PACC1: variants seen among roughly 807,000 people sequenced by gnomAD.
PACC1 encodes proton activated chloride channel 1.
In PACC1, 34 loss-of-function variants were observed where a neutral mutation model predicts 39.7. The observed-to-expected ratio is 0.86, with a 90% confidence interval of 0.65 to 1.14. The LOEUF is 1.14. Among genes scored for constraint, PACC1 ranks in the 50% most tolerant of loss-of-function variants. PACC1 has a pLI of 0.00. For missense variants in PACC1, 379 were observed against 436.4 expected (o/e 0.87, Z 1.17); for synonymous variants, 127 against 160.6 (o/e 0.79, Z 1.58).
At chr1:212,408,109 G>T (rs566253127) in intron 2 of PACC1, among the ~76,000 whole-genome samples, 86 of 151,432 alleles carry the variant, frequency 5.7e-4, no homozygotes, top group Non-Finnish European at 1.0e-3. Context: ...CACTGGTGTA[G>T]TAGAGAGAGT....
chr1:212,376,052 A>G (rs1461079596), intron 6 of PACC1, among the ~76,000 whole-genome samples: 1 of 152,018 alleles, frequency 6.6e-6, no homozygotes, highest in Non-Finnish European at 1.5e-5. Context: ...GACAAAGCAC[A>G]GCTGCATAGA....
At chr1:212,395,877 C>T (rs1661495991) in intron 2 of PACC1, among the ~76,000 whole-genome samples, 1 of 152,156 alleles carries the variant, frequency 6.6e-6, no homozygotes, top group Non-Finnish European at 1.5e-5. Context: ...CAAATCAAAA[C>T]CACAATGAGA....
chr1:212,404,633 T>A (rs1161143762), intron 2 of PACC1, among the ~76,000 whole-genome samples: 3 of 151,676 alleles, frequency 2.0e-5, no homozygotes, highest in Non-Finnish European at 1.5e-5. Context: ...AGCCAGCCCC[T>A]TCTTTTTCAC....
intron 7 of PACC1, among the ~76,000 whole-genome samples, chr1:212,374,269 C>T (rs1025346116): frequency 4.7e-4 from 72 of 151,876 alleles, no homozygotes; most frequent in African/African-American, 1.7e-3. Context: ...TGCAGCAAAA[C>T]GAATGAAACT....
chr1:212,380,445 G>A (rs754581563), intron 4 of PACC1, among the ~76,000 whole-genome samples: 3 of 151,882 alleles, frequency 2.0e-5, no homozygotes, highest in South Asian at 2.1e-4. Context: ...TTTTCTTTAC[G>A]GCTTTGGGTT....
intron 4 of PACC1, among the ~76,000 whole-genome samples, chr1:212,383,785 T>C (rs1281959635): frequency 6.6e-6 from 1 of 152,240 alleles, no homozygotes; most frequent in East Asian, 1.9e-4. Context: ...TGTTTTACTC[T>C]GGGAAGAGTC....
chr1:212,410,151 G>T, intron 2 of PACC1: 1 of 388,906 alleles, frequency 2.6e-6, no homozygotes, highest in East Asian at 4.8e-5. Context: ...AGGGAAAGAG[G>T]AACAGAAGAG....
At chr1:212,408,840 G>A (rs184728513) in intron 2 of PACC1, among the ~76,000 whole-genome samples, 1 of 151,926 alleles carries the variant, frequency 6.6e-6, no homozygotes, top group Non-Finnish European at 1.5e-5. Context: ...AAACAGACTG[G>A]TCTCTGCCCT....
chr1:212,370,660 A>AT (rs1447546971), intron 7 of PACC1, among the ~76,000 whole-genome samples: 2 of 152,238 alleles, frequency 1.3e-5, no homozygotes, highest in Admixed American at 1.3e-4. Context: ...AACTGTACAA[A>AT]TACATGGAAA....
At chr1:212,408,637 C>T (rs564232443) in intron 2 of PACC1, among the ~76,000 whole-genome samples, 1 of 152,322 alleles carries the variant, frequency 6.6e-6, no homozygotes, top group South Asian at 2.1e-4. Context: ...GCTGGCATTA[C>T]AGGCATGAGC....
At chr1:212,396,967 A>G (rs1661551976) in intron 2 of PACC1, among the ~76,000 whole-genome samples, 1 of 152,146 alleles carries the variant, frequency 6.6e-6, no homozygotes, top group Non-Finnish European at 1.5e-5. Context: ...GTCTACCAGT[A>G]TAATTCTCTA....
intron 7 of PACC1, among the ~76,000 whole-genome samples, chr1:212,369,146 A>G: frequency 6.6e-6 from 1 of 152,182 alleles, no homozygotes; most frequent in East Asian, 1.9e-4. Context: ...GATCAAAGTT[A>G]AGTTGTCCTC....
chr1:212,375,299 G>A lies in PACC1; in HGVS notation c.785C>T (p.Thr262Ile), dbSNP rs774466596. 1.8e-5 allele frequency: 29 copies of A among 1,610,086 alleles called. No individual in the cohort carries two copies. The East Asian group carries it at 3.6e-4, about 20-fold the overall frequency. Residue 262 changes from threonine (T) to isoleucine (I), a missense_variant and splice_region_variant, in exon 7 of 8, where the codon ACA (threonine) becomes ATA (isoleucine). Physicochemically the swap from Thr to Ile is moderately conservative, Grantham distance 89. Transcript: ENST00000261455. ...CTGGTCAATGTAGTTAACCACACTT[G>A]TCTAGATGTGGAGGAGAGAAAGCAG... is the stretch of plus-strand genomic sequence containing the variant. Reference protein sequence around the residue: ...GREAVEFRQETSVVNYIDQRP... With the variant: ...GREAVEFRQEISVVNYIDQRP...
chr1:212,370,421 T>A lies in PACC1; in HGVS notation c.891+4772A>T, dbSNP rs565785838. Among the ~76,000 whole-genome samples, 127 of 152,090 alleles carry A rather than the reference T, an allele frequency of 8.4e-4. 1 individual carries two copies. Among genetic ancestry groups the A allele is most frequent in the Admixed American group, 4.1e-3 (63 of 15,284 alleles). ...GAGGCAGAGCTTGCAGTGAGCCGAG[T>A]TCACACCACTGCACTCCAGCCTGGG... is the stretch of plus-strand genomic sequence containing the variant. On this transcript the variant is annotated intron_variant, in intron 7 of 7. Transcript: ENST00000261455.
chr1:212,409,839 G>A (rs1662056780), intron 2 of PACC1, among the ~76,000 whole-genome samples: 1 of 152,226 alleles, frequency 6.6e-6, no homozygotes, highest in Non-Finnish European at 1.5e-5. Flanking sequence ...ATGAGAGTGA[G>A]AGAAAGGGGC....
At chr1:212,372,964 A>T (rs955095259) in intron 7 of PACC1, among the ~76,000 whole-genome samples, 1 of 152,194 alleles carries the variant, frequency 6.6e-6, no homozygotes, top group Non-Finnish European at 1.5e-5. Context: ...TGCAATTCCT[A>T]TAAAATACCA....
intron 4 of PACC1, among the ~76,000 whole-genome samples, chr1:212,381,996 T>G (rs112628454): frequency 6.6e-6 from 1 of 152,166 alleles, no homozygotes; most frequent in African/African-American, 2.4e-5. Flanking sequence ...TAGCTTAGCC[T>G]ATACTCTGAC....
chr1:212,366,641 C>T (rs1410952873), intron 7 of PACC1, among the ~76,000 whole-genome samples: 1 of 152,180 alleles, frequency 6.6e-6, no homozygotes, highest in Non-Finnish European at 1.5e-5. Flanking sequence ...GGTGATACCA[C>T]CACTTGACTG....
chr1:212,403,045 G>A (rs1661773857), intron 2 of PACC1, among the ~76,000 whole-genome samples: 1 of 152,116 alleles, frequency 6.6e-6, no homozygotes. Flanking sequence ...TGATTGTAAT[G>A]ACTAATTAAC....
Sources: allele counts gnomAD v4.1 joint callset (sites outside exome capture counted in the v4.1 genomes callset), GRCh38; gene constraint gnomAD v4.1.1; transcripts MANE v1.5; gene names NCBI Gene and HGNC (gene_info 2026-07-23, HGNC 2026-07-21).